Variants in TSPAN11 observed in about 807,000 individuals in gnomAD.
TSPAN11 encodes tetraspanin 11.
Under a neutral mutation model 32.9 loss-of-function variants are expected in TSPAN11, and 29 were observed. The observed-to-expected ratio is 0.88, with a 90% CI of 0.66 to 1.20. The LOEUF is 1.20. TSPAN11 is among the 50% of genes most tolerant of loss of function. The pLI is 0.00. For synonymous variants in TSPAN11, 140 were observed against 141.3 expected, an observed-to-expected ratio of 0.99 and a Z score of 0.07; for missense variants, 283 against 329.1, an observed-to-expected ratio of 0.86 and a Z score of 1.08.
intron 1 of TSPAN11, among the ~76,000 whole-genome samples, chr12:30,942,425 G>C (rs939541610): frequency 6.6e-6 from 1 of 152,134 alleles, no homozygotes; most frequent in Non-Finnish European, 1.5e-5. Flanking sequence ...CTTCAAACCT[G>C]CCAACTACTG....
At chr12:30,979,503 C>T (rs553726222) in intron 4 of TSPAN11, 63 bp from the exon 5 acceptor site, 14 of 1,503,146 alleles carry the variant, frequency 9.3e-6, no homozygotes, top group Admixed American at 1.7e-5. Context: ...GGAAGTGGGC[C>T]CGGTGCCAGG....
At chr12:30,962,749 G>T (rs1392917011) in intron 2 of TSPAN11, among the ~76,000 whole-genome samples, 1 of 152,112 alleles carries the variant, frequency 6.6e-6, no homozygotes, top group Non-Finnish European at 1.5e-5. Context: ...TTAGAGAAAA[G>T]AGACCCATCC....
chr12:30,978,371 G>C, intron 3 of TSPAN11, 190 bp from the exon 4 acceptor site: 2 of 619,542 alleles, frequency 3.2e-6, no homozygotes, highest in South Asian at 1.9e-5. Context: ...ATTGTCAGCA[G>C]ACCAAAGAGG....
chr12:30,971,202 C>A (rs1046783099), intron 3 of TSPAN11, among the ~76,000 whole-genome samples: 4 of 152,202 alleles, frequency 2.6e-5, no homozygotes, highest in Non-Finnish European at 5.9e-5. Context: ...CTTCACAAAC[C>A]CTATCTCTAA....
intron 3 of TSPAN11, 95 bp downstream of exon 3, chr12:30,964,112 AGGGGCTGAGGCTGTG>A: frequency 1.0e-6 from 1 of 982,130 alleles, no homozygotes; most frequent in Admixed American, 2.6e-5. Flanking sequence ...CTGGAGTGGG[AGGGGCTGAGGCTGTG>A]GGAGTGCCCG....
chr12:30,982,640 G>A lies in TSPAN11; in HGVS notation c.565G>A (p.Val189Met). Residue 189 changes from valine (V) to methionine (M), a missense_variant, in exon 6 of 8, where the codon GTG becomes ATG. By Grantham distance (21) the Val-to-Met change is conservative. Transcript: ENST00000546076. ...QVPDSCCKTV[V>M]VRCGQRAHPS... ...GCCCGACAGCTGCTGCAAGACAGTG[G>A]TGGTGCGCTGCGGCCAGCGGGCCCA... 6.2e-7 allele frequency: 1 copy of A among 1,610,456 alleles called. No homozygotes were observed. Among genetic ancestry groups the A allele is most frequent in the Non-Finnish European group, 8.5e-7 (1 of 1,178,610 alleles).
intron 1 of TSPAN11, among the ~76,000 whole-genome samples, chr12:30,941,302 C>G (rs1329102029): frequency 6.6e-6 from 1 of 152,210 alleles, no homozygotes; most frequent in African/African-American, 2.4e-5. Flanking sequence ...GGAACCAATC[C>G]CCCGCATATA....
intron 3 of TSPAN11, among the ~76,000 whole-genome samples, chr12:30,977,139 T>C (rs1938990514): frequency 6.6e-6 from 1 of 152,204 alleles, no homozygotes; most frequent in South Asian, 2.1e-4. Context: ...GTTCTTTTCC[T>C]GTGAAAAGAA....
the TSPAN11 span, among the ~76,000 whole-genome samples, chr12:31,008,348 T>A: frequency 1.3e-5 from 2 of 152,212 alleles, no homozygotes; most frequent in Non-Finnish European, 2.9e-5. Context: ...CAGAGCTCCT[T>A]GTGGTACAGC....
intron 7 of TSPAN11, chr12:30,986,947 C>T (rs982627721): frequency 1.3e-5 from 2 of 152,170 alleles, no homozygotes; most frequent in Non-Finnish European, 2.9e-5. Flanking sequence ...GTGATCTCAA[C>T]GAAGACCCAG....
At chr12:30,931,943 C>T (rs1937941805) in intron 1 of TSPAN11, among the ~76,000 whole-genome samples, 1 of 135,392 alleles carries the variant, frequency 7.4e-6, no homozygotes, top group Non-Finnish European at 1.6e-5. Flanking sequence ...TGTTTATTGA[C>T]TTTTTATCCC....
At chr12:30,985,894 G>C (rs139219487) in intron 7 of TSPAN11, among the ~76,000 whole-genome samples, 2 of 152,384 alleles carry the variant, frequency 1.3e-5, no homozygotes, top group South Asian at 2.1e-4. Context: ...CATGCAGTCT[G>C]TTCCTTCGCC....
At position 30,972,316 on chromosome 12, in the gene TSPAN11, C is replaced by T. The variant is rs575338586; in HGVS notation, c.277-6245C>T. ...AGCCAGGAGGGCAAGCAGGGATCAGCGTGTACACAGTCCCAGGGAGCGAGA... is the reference window on the plus strand; with the variant it reads ...AGCCAGGAGGGCAAGCAGGGATCAGTGTGTACACAGTCCCAGGGAGCGAGA... On this transcript the variant is annotated intron_variant, in intron 3 of 7. Transcript: ENST00000546076. Among the ~76,000 whole-genome samples the T allele has an allele frequency of 2.0e-5, 3 of 152,228 alleles. No individual in the cohort carries two copies. The South Asian group carries it at 6.2e-4, about 32-fold the overall frequency.
In TSPAN11 at chr12:30,953,099, C is replaced by T. The variant is rs546561397; in HGVS notation, c.-11-882C>T. On this transcript the variant is annotated intron_variant, in intron 1 of 7. Transcript: ENST00000546076. ...GAGAGTCCATCAGTGGGCATCAGAGCGAGGGACAGCATGGTGCTGGGGTAA... is the reference window on the plus strand; with the variant it reads ...GAGAGTCCATCAGTGGGCATCAGAGTGAGGGACAGCATGGTGCTGGGGTAA... Among the ~76,000 whole-genome samples, 90 of 152,170 alleles carry T rather than the reference C, an allele frequency of 5.9e-4. No homozygotes were observed. In the South Asian group the frequency reaches 0.018, roughly 31 times the overall value.
At chr12:30,988,289 A>AGTT (rs1283561218) in intron 7 of TSPAN11, among the ~76,000 whole-genome samples, 4 of 152,190 alleles carry the variant, frequency 2.6e-5, no homozygotes, top group Non-Finnish European at 5.9e-5. Flanking sequence ...GCTAGAGTAG[A>AGTT]GTTGTTTAAA....
chr12:30,959,778 T>TC (rs1938572514), intron 2 of TSPAN11, among the ~76,000 whole-genome samples: 1 of 68,270 alleles, frequency 1.5e-5, no homozygotes, highest in South Asian at 5.4e-4. Flanking sequence ...AGACTCTGTC[T>TC]CAAAAAAAAA....
At chr12:30,948,433 A>G (rs1399925487) in intron 1 of TSPAN11, among the ~76,000 whole-genome samples, 1 of 152,188 alleles carries the variant, frequency 6.6e-6, no homozygotes, top group African/African-American at 2.4e-5. Context: ...AGGTGTTTCC[A>G]TGTGTCTTCT....
At chr12:30,949,738 T>C (rs1263128115) in intron 1 of TSPAN11, among the ~76,000 whole-genome samples, 1 of 152,102 alleles carries the variant, frequency 6.6e-6, no homozygotes, top group Admixed American at 6.5e-5. Context: ...TTTGAAAATA[T>C]CCACCTCCAG....
rs541432585 is a variant in TSPAN11, at chr12:30,944,685, G to A, written c.-11-9296G>A. On this transcript the variant is annotated intron_variant, in intron 1 of 7. Transcript: ENST00000546076. ...GTGTATATATACACAATGGAAGACT[G>A]TTTGGTCTTTTAAAAGAAGGAAATC... Among the ~76,000 whole-genome samples the A allele has an allele frequency of 4.6e-5, 7 of 152,334 alleles. No homozygotes were observed. In the South Asian group the frequency reaches 1.4e-3, roughly 32 times the overall value.
Sources: allele counts gnomAD v4.1 joint callset (sites outside exome capture counted in the v4.1 genomes callset), GRCh38; gene constraint gnomAD v4.1.1; transcripts MANE v1.5; gene names NCBI Gene and HGNC (gene_info 2026-07-23, HGNC 2026-07-21).